CR2: variants seen among roughly 807,000 people sequenced by gnomAD.
CR2 encodes the protein complement C3d receptor 2.
CR2 carries 96 observed loss-of-function variants against 123.0 expected under a neutral mutation model. That is an observed-to-expected ratio of 0.78 (90% CI 0.66 to 0.93). CR2 has a LOEUF of 0.93. CR2 is among the 40% of genes least tolerant of loss of function. The pLI, the probability that CR2 is intolerant of heterozygous loss-of-function variation, is 0.00. For synonymous variants in CR2, 484 were observed against 469.5 expected (o/e 1.03, Z -0.40); for missense variants, 1,258 against 1,361.0 (o/e 0.92, Z 1.19).
Position 207,470,859 on chromosome 1 carries a change from G to C in CR2, c.1345G>C (p.Glu449Gln). 1 of 1,613,890 alleles carries C rather than the reference G, an allele frequency of 6.2e-7. No homozygotes were observed. The highest frequency in any genetic ancestry group is 1.7e-5 in the Admixed American group (1 of 59,976). The change falls in exon 7 of 20, where the codon GAA becomes CAA. Residue 449 changes from glutamate to glutamine, a missense_variant. By Grantham distance (29) the Glu-to-Gln change is conservative. Transcript: ENST00000367057. ...CCCTGGCTATGTGCTGGTGGGAGAAGAATCCATACAGTGTACCTCTGAGGG... is the reference window on the plus strand; with the variant it reads ...CCCTGGCTATGTGCTGGTGGGAGAACAATCCATACAGTGTACCTCTGAGGG... Reference protein sequence around the residue: ...CNPGYVLVGEESIQCTSEGVW... With the variant: ...CNPGYVLVGEQSIQCTSEGVW...
chr1:207,476,367 CCTT>C lies in CR2; in HGVS notation c.2854_2856del (p.Leu952del), dbSNP rs757707093. ...GCTACCTGCTGGTGGGAGAGGCACT[CCTT>C]CTTTGCACACATGAGGGAACCTGGA... On this transcript the variant is annotated inframe_deletion, in exon 15 of 20. Transcript: ENST00000367057. 13 of 1,613,816 alleles carry C rather than the reference CCTT, an allele frequency of 8.1e-6. No homozygotes were observed. The highest frequency in any genetic ancestry group is 1.7e-4 in the Middle Eastern group (1 of 6,056).
Position 207,454,906 on chromosome 1 carries a change from C to A in CR2, c.58+430C>A, listed in dbSNP as rs1037398441. On this transcript the variant is annotated intron_variant, in intron 1 of 19. Transcript: ENST00000367057. This position sits in a 1 kb window ranked among gnomAD's most constrained non-coding sequence, Gnocchi z 4.3. ...GCTGTTTCTGTACACCCGAACCGCG[C>A]TCTTGCCCAGCAAAAGCGGCAGAAC... 1.2e-5 allele frequency: 2 copies of A among 165,202 alleles called. No individual in the cohort carries two copies. The highest frequency in any genetic ancestry group is 2.6e-5 in the Non-Finnish European group (2 of 76,538). 10.2% of individuals were successfully genotyped at this position (165,202 alleles called of 1,614,324 possible).
chr1:207,477,249 T>TA (rs1311003327), intron 15 of CR2, among the ~76,000 whole-genome samples: 2 of 152,228 alleles, frequency 1.3e-5, no homozygotes, highest in Non-Finnish European at 2.9e-5. Flanking sequence ...AGGCACATCT[T>TA]ACATGATGGC....
intron 19 of CR2, among the ~76,000 whole-genome samples, chr1:207,487,511 G>A (rs1405876148): frequency 6.6e-6 from 1 of 152,174 alleles, no homozygotes; most frequent in Non-Finnish European, 1.5e-5. Flanking sequence ...ACTGGACGGA[G>A]CTTAAGAGAG....
Position 207,469,199 on chromosome 1 carries a change from G to A in CR2, c.784G>A (p.Gly262Arg). ...PSSRCVIAGQ[G>R]VAWTKMPVCE... ...TAGTCGGTGTGTAATTGCTGGACAG[G>A]GAGTTGCTTGGACCAAAATGCCAGT... Residue 262 changes from glycine (G) to arginine (R), a missense_variant, in exon 5 of 20, where the codon GGA becomes AGA. Transcript: ENST00000367057. 6.2e-7 allele frequency: 1 copy of A among 1,613,874 alleles called. No homozygotes were observed. Among genetic ancestry groups the A allele is most frequent in the Middle Eastern group, 1.7e-4 (1 of 6,060 alleles).
At chr1:207,482,137 A>T (rs1305160934) in intron 18 of CR2, among the ~76,000 whole-genome samples, 1 of 152,174 alleles carries the variant, frequency 6.6e-6, no homozygotes, top group Non-Finnish European at 1.5e-5. Flanking sequence ...ATATTACATA[A>T]AGTGTATTTA....
At chr1:207,458,364 C>T (rs1270949851) in intron 1 of CR2, among the ~76,000 whole-genome samples, 1 of 151,936 alleles carries the variant, frequency 6.6e-6, no homozygotes, top group Non-Finnish European at 1.5e-5. Context: ...CAGAATATTC[C>T]TTTAAAAATG....
intron 18 of CR2, among the ~76,000 whole-genome samples, chr1:207,484,829 A>G (rs1203233991): frequency 6.6e-6 from 1 of 152,242 alleles, no homozygotes; most frequent in African/African-American, 2.4e-5. Context: ...AAAGCTTTTA[A>G]GTCAGACTAG....
At position 207,469,758 on chromosome 1, in the gene CR2, A is replaced by G. The variant is rs751331553; in HGVS notation, c.881A>G (p.Asn294Ser). 8 of 1,613,782 alleles carry G rather than the reference A, an allele frequency of 5.0e-6. No homozygotes were observed. The African/African-American group carries it at 8.0e-5, about 16-fold the overall frequency. ...AGACATATAGGCAACTCACTAGCAA[A>G]TGTCTCATATGGAAGCATAGTCACT... ...NGRHIGNSLANVSYGSIVTYT... is the reference protein window; with the variant it reads ...NGRHIGNSLASVSYGSIVTYT... The change falls in exon 6 of 20, where the codon AAT becomes AGT. Residue 294 changes from asparagine (N) to serine (S), a missense_variant. Coordinates refer to ENST00000367057, the MANE Select transcript of CR2 (RefSeq NM_001006658.3).
At chr1:207,485,702 A>C (rs1229020143) in intron 19 of CR2, 130 bp downstream of exon 19, 2 of 656,356 alleles carry the variant, frequency 3.0e-6, no homozygotes, top group African/African-American at 3.6e-5. Context: ...GTAATCATGC[A>C]TAGCAATTGT....
intron 14 of CR2, among the ~76,000 whole-genome samples, chr1:207,475,983 A>G (rs916464861): frequency 3.9e-5 from 6 of 152,238 alleles, no homozygotes; most frequent in Non-Finnish European, 7.3e-5. Context: ...ATGGATTACC[A>G]TTGTGAACTG....
Position 207,454,394 on chromosome 1 carries a change from C to CCGCCGCGGGGGCTTCGGCCGTGGCATGGG in CR2, c.-15_14dup. 13 of 1,565,240 alleles carry CCGCCGCGGGGGCTTCGGCCGTGGCATGGG rather than the reference C, an allele frequency of 8.3e-6. No individual in the cohort carries two copies. Among genetic ancestry groups the CCGCCGCGGGGGCTTCGGCCGTGGCATGGG allele is most frequent in the Non-Finnish European group, 1.1e-5 (13 of 1,162,170 alleles). On this transcript the variant is annotated 5_prime_UTR_variant, in exon 1 of 20. In the 5' UTR this introduces an upstream ATG that the reference lacks. Coordinates refer to ENST00000367057, the MANE Select transcript of CR2 (RefSeq NM_001006658.3). The surrounding 1 kb of genome is among the most constrained non-coding windows in gnomAD (Gnocchi z 4.3). ...ACGCTCGCGGGTCTCGGAACGCATC[C>CCGCCGCGGGGGCTTCGGCCGTGGCATGGG]CGCCGCGGGGGCTTCGGCCGTGGCA...
chr1:207,456,847 C>G (rs1475712116), intron 1 of CR2, among the ~76,000 whole-genome samples: 2 of 152,200 alleles, frequency 1.3e-5, no homozygotes, highest in African/African-American at 4.8e-5. Context: ...ATTCTCTGTA[C>G]CCCACTCACT....
chr1:207,471,178 A>T, intron 8 of CR2, 91 bp downstream of exon 8: 1 of 1,286,056 alleles, frequency 7.8e-7, no homozygotes, highest in African/African-American at 1.5e-5. Flanking sequence ...TACACCCTGC[A>T]AGCTCTATGT....
chr1:207,472,809 G>C lies in CR2; in HGVS notation c.1608G>C (p.Gly536=), dbSNP rs1482762598. ...CACCACCCCCTGTTATCTACAATGG[G>C]GCACACACCGGGAGTTCCTTAGAAG... ...TCPPPPVIYN[G]AHTGSSLEDF... Residue 536 remains glycine (G), a synonymous_variant, in exon 10 of 20, where the codon GGG becomes GGC. Transcript: ENST00000367057. 1.9e-6 allele frequency: 3 copies of C among 1,613,676 alleles called. No individual in the cohort carries two copies. In the African/African-American group the frequency reaches 4.0e-5, roughly 22 times the overall value.
At position 207,454,402 on chromosome 1, in the gene CR2, G is replaced by A; in HGVS notation, c.-17G>A. ...GGGTCTCGGAACGCATCCCGCCGCG[G>A]GGGCTTCGGCCGTGGCATGGGCGCC... On this transcript the variant is annotated 5_prime_UTR_variant, in exon 1 of 20. Transcript: ENST00000367057. This position sits in a 1 kb window ranked among gnomAD's most constrained non-coding sequence, Gnocchi z 4.3. 6.4e-7 allele frequency: 1 copy of A among 1,573,708 alleles called. No homozygotes were observed. Among genetic ancestry groups the A allele is most frequent in the Non-Finnish European group, 8.6e-7 (1 of 1,166,898 alleles).
intron 18 of CR2, among the ~76,000 whole-genome samples, chr1:207,481,677 T>C (rs1658606712): frequency 2.0e-5 from 3 of 152,132 alleles, no homozygotes; most frequent in Admixed American, 2.0e-4. Flanking sequence ...AAATACCAGA[T>C]GACTAATTAT....
At chr1:207,485,648 T>A in intron 19 of CR2, 76 bp downstream of exon 19, 1 of 842,968 alleles carries the variant, frequency 1.2e-6, no homozygotes, top group South Asian at 1.4e-5. Context: ...AAGCGTAGCA[T>A]TCACGGTGTA....
Position 207,468,792 on chromosome 1 carries a change from T to G in CR2, c.635-8T>G, listed in dbSNP as rs199889815. On this transcript the variant is annotated splice_polypyrimidine_tract_variant and splice_region_variant and intron_variant, in intron 3 of 19. Transcript: ENST00000367057. ...CCATGCATTTCTCATCTTTGGTTTGTTTTTTAGAGGCACGCTGTAAATCTC... is the reference window on the plus strand; with the variant it reads ...CCATGCATTTCTCATCTTTGGTTTGGTTTTTAGAGGCACGCTGTAAATCTC... 19 of 1,614,012 alleles carry G rather than the reference T, an allele frequency of 1.2e-5. No homozygotes were observed. The highest frequency in any genetic ancestry group is 1.7e-4 in the Middle Eastern group (1 of 6,060).
Sources: allele counts gnomAD v4.1 joint callset (sites outside exome capture counted in the v4.1 genomes callset), GRCh38; gene constraint gnomAD v4.1.1; non-coding constraint Gnocchi (gnomAD v3.1); transcripts MANE v1.5; gene names NCBI Gene and HGNC (gene_info 2026-07-23, HGNC 2026-07-21).